The following DLG2 variants were observed in gnomAD, a reference collection of about 807,000 sequenced individuals.
DLG2 encodes the protein discs large MAGUK scaffold protein 2, also known as disks large homolog 2.
A neutral mutation model predicts 132.5 loss-of-function variants in DLG2; 45 were observed. That is an observed-to-expected ratio of 0.34 (90% CI 0.27 to 0.44). The LOEUF is 0.44. DLG2 is among the 20% of genes least tolerant of loss of function. DLG2 has a pLI of 1.00. For synonymous variants in DLG2, 424 were observed against 419.6 expected (o/e 1.01, Z -0.13); for missense variants, 1,045 against 1,196.9 (o/e 0.87, Z 1.87).
chr11:84,095,250 G>A (rs778926389), intron 10 of DLG2, among the ~76,000 whole-genome samples: 6 of 152,114 alleles, frequency 3.9e-5, no homozygotes, highest in African/African-American at 1.4e-4. Flanking sequence ...AGGGGAAAAC[G>A]GTGGTAAAAT....
chr11:85,314,131 C>G (rs1389539978), intron 3 of DLG2, among the ~76,000 whole-genome samples: 4 of 151,898 alleles, frequency 2.6e-5, no homozygotes, highest in Non-Finnish European at 5.9e-5. Flanking sequence ...TGAGAACATA[C>G]AATATGCCAA....
intron 6 of DLG2, among the ~76,000 whole-genome samples, chr11:85,063,868 T>A (rs2064473015): frequency 6.6e-6 from 1 of 151,842 alleles, no homozygotes; most frequent in Non-Finnish European, 1.5e-5. Flanking sequence ...TTATTAACCA[T>A]CTATTATATG....
intron 3 of DLG2, among the ~76,000 whole-genome samples, chr11:85,410,466 T>C (rs549597439): frequency 4.2e-4 from 64 of 151,824 alleles, no homozygotes; most frequent in African/African-American, 1.5e-3. Flanking sequence ...TGTTAGGAAA[T>C]TGTCATAATA....
chr11:83,873,472 C>A (rs1351194370), intron 16 of DLG2, among the ~76,000 whole-genome samples: 3 of 152,032 alleles, frequency 2.0e-5, no homozygotes, highest in Non-Finnish European at 4.4e-5. Context: ...TAAGGGGAAA[C>A]CTTATAAAAC....
At chr11:83,549,148 C>A (rs1192537760) in intron 19 of DLG2, among the ~76,000 whole-genome samples, 1 of 152,118 alleles carries the variant, frequency 6.6e-6, no homozygotes, top group African/African-American at 2.4e-5. Context: ...TGGTCCTCAC[C>A]TTTCTATGCA....
At chr11:83,985,354 C>G (rs1405817200) in intron 11 of DLG2, among the ~76,000 whole-genome samples, 1 of 151,518 alleles carries the variant, frequency 6.6e-6, no homozygotes, top group African/African-American at 2.4e-5. Flanking sequence ...ATTTTTTTGC[C>G]TTTAACTTTT....
At chr11:85,475,316 C>G (rs1337771140) in intron 3 of DLG2, among the ~76,000 whole-genome samples, 1 of 151,846 alleles carries the variant, frequency 6.6e-6, no homozygotes, top group Non-Finnish European at 1.5e-5. Context: ...AAATTAATCT[C>G]TACCTTCTAT....
intron 8 of DLG2, among the ~76,000 whole-genome samples, chr11:84,180,413 C>T (rs1449036812): frequency 6.6e-6 from 1 of 151,940 alleles, no homozygotes; most frequent in Non-Finnish European, 1.5e-5. Flanking sequence ...ATAAGCATAA[C>T]AGAAATTCCA....
intron 6 of DLG2, among the ~76,000 whole-genome samples, chr11:84,859,067 C>T (rs923088290): frequency 6.6e-6 from 1 of 151,864 alleles, no homozygotes. Context: ...TGAGTTAATA[C>T]AACCTACTTC....
chr11:83,599,306 G>A (rs985304968), intron 19 of DLG2, among the ~76,000 whole-genome samples: 6 of 152,062 alleles, frequency 3.9e-5, no homozygotes, highest in African/African-American at 1.2e-4. Context: ...AGGAGAGTAG[G>A]CTTCTGTCAT....
At chr11:83,888,590 G>GA (rs1308529981) in intron 15 of DLG2, among the ~76,000 whole-genome samples, 7 of 152,162 alleles carry the variant, frequency 4.6e-5, no homozygotes, top group Admixed American at 1.3e-4. Context: ...CACAGAATTG[G>GA]AAAAACTACT....
At chr11:84,753,811 CAA>C (rs1343845713) in intron 6 of DLG2, among the ~76,000 whole-genome samples, 5 of 152,114 alleles carry the variant, frequency 3.3e-5, no homozygotes, top group Non-Finnish European at 5.9e-5. Flanking sequence ...CTGGAAAAGT[CAA>C]ATAGATTGAG....
At chr11:84,999,403 G>C (rs1361101058) in intron 6 of DLG2, among the ~76,000 whole-genome samples, 1 of 152,064 alleles carries the variant, frequency 6.6e-6, no homozygotes, top group Non-Finnish European at 1.5e-5. Context: ...CATGTTCAAA[G>C]AGAGATATAT....
intron 11 of DLG2, among the ~76,000 whole-genome samples, chr11:84,047,900 C>T (rs952007076): frequency 1.3e-4 from 20 of 151,670 alleles, no homozygotes; most frequent in Non-Finnish European, 2.2e-4. Context: ...GTGGGAATTA[C>T]AGTGGCAATA....
At chr11:83,679,255 T>A (rs1388789406) in intron 18 of DLG2, among the ~76,000 whole-genome samples, 1 of 152,184 alleles carries the variant, frequency 6.6e-6, no homozygotes, top group Non-Finnish European at 1.5e-5. Flanking sequence ...GAGGATTAAA[T>A]GAGAAAATGC....
intron 6 of DLG2, among the ~76,000 whole-genome samples, chr11:84,778,888 G>A (rs182787843): frequency 1.3e-5 from 2 of 152,152 alleles, no homozygotes; most frequent in Non-Finnish European, 2.9e-5. Flanking sequence ...CTGACTTGCT[G>A]AGTCTTCCCG....
chr11:84,746,021 GACT>G (rs1485120621), intron 6 of DLG2, among the ~76,000 whole-genome samples: 1 of 152,126 alleles, frequency 6.6e-6, no homozygotes, highest in Middle Eastern at 3.2e-3. Context: ...TTAACTGACT[GACT>G]ACTATGTGCC....
Position 83,993,064 on chromosome 11 carries a change from C to T in DLG2, c.920-12422G>A, listed in dbSNP as rs1318339820. On this transcript the variant is annotated intron_variant, in intron 11 of 27. Coordinates refer to ENST00000376104, the MANE Select transcript of DLG2 (RefSeq NM_001142699.3). Reference sequence around the variant, plus strand: ...TAGGTTTTTTTCCTCCAGTAATTCTCAGAAGTCTAGATATAAGCATGGAAA... The same window carrying T: ...TAGGTTTTTTTCCTCCAGTAATTCTTAGAAGTCTAGATATAAGCATGGAAA... 2.0e-5 allele frequency among the ~76,000 whole-genome samples: 3 copies of T among 152,038 alleles called. No homozygotes were observed. In the South Asian group the frequency reaches 6.2e-4, roughly 32 times the overall value.
intron 15 of DLG2, among the ~76,000 whole-genome samples, chr11:83,927,444 A>G (rs2079185035): frequency 6.6e-6 from 1 of 152,204 alleles, no homozygotes; most frequent in South Asian, 2.1e-4. Flanking sequence ...TAAGATGACC[A>G]GAAATTAATC....
Sources: gnomAD v4.1 joint callset for allele counts (sites outside exome capture counted in the v4.1 genomes callset) on GRCh38, gnomAD v4.1.1 for gene constraint, MANE v1.5 for transcripts, NCBI Gene and HGNC (gene_info 2026-07-23, HGNC 2026-07-21) for gene names.